Variants in CALN1 observed in about 807,000 individuals in gnomAD.
CALN1 encodes the protein calcium-binding protein 8.
A neutral mutation model predicts 30.6 loss-of-function variants in CALN1; 17 were observed. The observed-to-expected ratio is 0.56, with a 90% CI of 0.38 to 0.83. CALN1 has a LOEUF of 0.83. Among genes scored for constraint, CALN1 ranks in the 40% least tolerant of loss-of-function variants. The probability of loss-of-function intolerance (pLI) is 0.00; values close to 1 mark genes in which losing one functional copy is unlikely to be tolerated. For synonymous variants in CALN1, 156 were observed against 131.4 expected (o/e 1.19, Z -1.28); for missense variants, 291 against 354.9 (o/e 0.82, Z 1.45).
At chr7:72,083,493 A>G (rs1205260894) in intron 4 of CALN1, among the ~76,000 whole-genome samples, 1 of 152,156 alleles carries the variant, frequency 6.6e-6, no homozygotes, top group Non-Finnish European at 1.5e-5. Flanking sequence ...CCGAGACAGG[A>G]GGATCACTTG....
At chr7:72,312,394 GAAAA>G (rs768174448) in intron 2 of CALN1, among the ~76,000 whole-genome samples, 28 of 71,828 alleles carry the variant, frequency 3.9e-4, no homozygotes, top group Non-Finnish European at 6.4e-4. Flanking sequence ...CTTCATCTCA[GAAAA>G]AAAAAAAAAA....
chr7:72,496,230 A>G, the CALN1 span, among the ~76,000 whole-genome samples: 3 of 152,210 alleles, frequency 2.0e-5, no homozygotes, highest in South Asian at 2.1e-4. Context: ...CCTCATTCCA[A>G]TTCTTACACC....
intron 3 of CALN1, among the ~76,000 whole-genome samples, chr7:72,249,959 A>AAGAG (rs1554337553): frequency 2.7e-5 from 4 of 147,718 alleles, no homozygotes; most frequent in African/African-American, 7.5e-5. Context: ...AAAAAAAAAA[A>AAGAG]AGAGAGAGAG....
intron 4 of CALN1, among the ~76,000 whole-genome samples, chr7:72,081,062 C>T (rs926002678): frequency 5.3e-5 from 8 of 152,074 alleles, no homozygotes; most frequent in South Asian, 2.1e-4. Context: ...GCTCACTTTT[C>T]GCAATTGATC....
intron 4 of CALN1, among the ~76,000 whole-genome samples, chr7:72,064,432 C>A (rs1803881061): frequency 6.6e-6 from 1 of 152,126 alleles, no homozygotes; most frequent in Non-Finnish European, 1.5e-5. Context: ...CAAAACTAAT[C>A]ACTTTTGGCA....
intron 3 of CALN1, among the ~76,000 whole-genome samples, chr7:72,167,407 C>T (rs533003181): frequency 1.2e-4 from 18 of 152,272 alleles, no homozygotes; most frequent in Non-Finnish European, 1.9e-4. Context: ...TACAGTGATG[C>T]GATCTAGGCT....
chr7:72,321,294 T>G (rs1295930899), intron 2 of CALN1, among the ~76,000 whole-genome samples: 1 of 152,190 alleles, frequency 6.6e-6, no homozygotes, highest in African/African-American at 2.4e-5. Context: ...GACAGGTGAC[T>G]TGGGTTGAGA....
chr7:71,812,981 C>T (rs1457032337), intron 5 of CALN1, among the ~76,000 whole-genome samples: 3 of 146,714 alleles, frequency 2.0e-5, no homozygotes, highest in African/African-American at 7.5e-5. Context: ...TGGAGTCTTG[C>T]TCTGTCACCC....
intron 2 of CALN1, among the ~76,000 whole-genome samples, chr7:72,292,690 G>A (rs546261809): frequency 6.6e-6 from 1 of 150,776 alleles, no homozygotes; most frequent in Admixed American, 6.6e-5. Flanking sequence ...GCATGGTGGC[G>A]CATGCTTGTA....
intron 3 of CALN1, among the ~76,000 whole-genome samples, chr7:72,219,366 C>G (rs1434356299): frequency 6.6e-6 from 1 of 152,188 alleles, no homozygotes; most frequent in Non-Finnish European, 1.5e-5. Flanking sequence ...GCTAGGACTA[C>G]AGGTGCATTC....
At chr7:71,918,349 T>A (rs1794782823) in intron 5 of CALN1, among the ~76,000 whole-genome samples, 1 of 152,314 alleles carries the variant, frequency 6.6e-6, no homozygotes, top group African/African-American at 2.4e-5. Context: ...TCTGTGTGAA[T>A]CAGGATTTCT....
intron 1 of CALN1, among the ~76,000 whole-genome samples, chr7:72,410,218 G>A (rs1219016868): frequency 1.3e-5 from 2 of 152,170 alleles, no homozygotes; most frequent in Non-Finnish European, 2.9e-5. Context: ...AAATATGTAA[G>A]AGAGGTTGTC....
At chr7:72,148,992 G>A (rs932233214) in intron 3 of CALN1, among the ~76,000 whole-genome samples, 1 of 151,614 alleles carries the variant, frequency 6.6e-6, no homozygotes, top group South Asian at 2.1e-4. Context: ...GAGGAAGGAA[G>A]GAAATAATAA....
intron 2 of CALN1, among the ~76,000 whole-genome samples, chr7:72,365,482 G>C (rs1803824855): frequency 6.6e-6 from 1 of 152,114 alleles, no homozygotes; most frequent in African/African-American, 2.4e-5. Flanking sequence ...TCTGGCTTTT[G>C]TCACCCAGGC....
intron 3 of CALN1, among the ~76,000 whole-genome samples, chr7:72,239,663 T>C (rs1914380): frequency 0.14 from 21,061 of 151,250 alleles, 1,871 homozygotes; most frequent in East Asian, 0.43. Context: ...TAGATCAAGT[T>C]AACTCAACAG....
intron 4 of CALN1, among the ~76,000 whole-genome samples, chr7:72,027,760 A>C (rs558086576): frequency 3.5e-4 from 49 of 141,432 alleles, no homozygotes; most frequent in South Asian, 2.1e-3. Flanking sequence ...CACACACACA[A>C]AAACACATGA....
chr7:72,263,347 T>C (rs1796395937), intron 3 of CALN1, among the ~76,000 whole-genome samples: 1 of 152,148 alleles, frequency 6.6e-6, no homozygotes, highest in South Asian at 2.1e-4. Flanking sequence ...GGTGGTGAAG[T>C]AGGTCAAATG....
chr7:71,788,001 A>G (rs1213653114), intron 6 of CALN1, 99 bp from the exon 7 acceptor site: 3 of 1,519,482 alleles, frequency 2.0e-6, no homozygotes, highest in Non-Finnish European at 2.7e-6. Context: ...CTCTTCCTCA[A>G]CAGGCCAGCA....
At chr7:72,255,728 A>G (rs1392768505) in intron 3 of CALN1, among the ~76,000 whole-genome samples, 2 of 122,672 alleles carry the variant, frequency 1.6e-5, no homozygotes, top group African/African-American at 6.3e-5. Context: ...GCTCACTTAA[A>G]TAATTTTTTT....
Sources: allele counts gnomAD v4.1 joint callset (sites outside exome capture counted in the v4.1 genomes callset), GRCh38; gene constraint gnomAD v4.1.1; transcripts MANE v1.5; gene names NCBI Gene and HGNC (gene_info 2026-07-23, HGNC 2026-07-21).